The following KDM4A variants were observed in gnomAD, a reference collection of about 807,000 sequenced individuals.
KDM4A encodes lysine-specific demethylase 4A.
A neutral mutation model predicts 127.1 loss-of-function variants in KDM4A; 23 were observed. That is an observed-to-expected ratio of 0.18 (90% CI 0.13 to 0.26). KDM4A has a LOEUF of 0.26. Among genes scored for constraint, KDM4A ranks in the 10% least tolerant of loss-of-function variants. The pLI is 1.00. For missense variants in KDM4A, 890 were observed against 1,329.1 expected, an observed-to-expected ratio of 0.67 and a Z score of 5.14; for synonymous variants, 443 against 466.5, an observed-to-expected ratio of 0.95 and a Z score of 0.65.
intron 11 of KDM4A, among the ~76,000 whole-genome samples, chr1:43,683,357 G>T (rs1660899446): frequency 6.6e-6 from 1 of 152,198 alleles, no homozygotes; most frequent in African/African-American, 2.4e-5. Context: ...CACCTTGGTA[G>T]TCTCATAGCA....
At position 43,689,155 on chromosome 1, in the gene KDM4A, T is replaced by C. The variant is rs958370251; in HGVS notation, c.2037+60T>C. The C allele has an allele frequency of 4.6e-6, 7 of 1,535,406 alleles. No homozygotes were observed. In the African/African-American group the frequency reaches 9.6e-5, roughly 21 times the overall value. On this transcript the variant is annotated intron_variant, in intron 13 of 21. Coordinates refer to ENST00000372396, the MANE Select transcript of KDM4A (RefSeq NM_014663.3). ...CCAGCAATCATAGGGAAGCTAGATT[T>C]AATTGTGAGTATATAGCTTGTCACT...
rs544865046 is a variant in KDM4A, at chr1:43,656,887, G to A, written c.314+1121G>A. The stretch of plus-strand genomic sequence containing the variant: ...ATTACATACAGGCGCCTGCCACCAC[G>A]CCTGGCTAATTTTTGTATTTTTAGT... On this transcript the variant is annotated intron_variant, in intron 3 of 21. Transcript: ENST00000372396. Among the ~76,000 whole-genome samples the A allele has an allele frequency of 4.6e-5, 7 of 151,414 alleles. No individual in the cohort carries two copies. The East Asian group carries it at 5.9e-4, about 13-fold the overall frequency.
chr1:43,692,690 C>T (rs1319046031), intron 16 of KDM4A, among the ~76,000 whole-genome samples: 1 of 152,222 alleles, frequency 6.6e-6, no homozygotes, highest in Non-Finnish European at 1.5e-5. Flanking sequence ...GCAAGCACTT[C>T]TCCACATGGC....
intron 13 of KDM4A, 23 bp downstream of exon 13, chr1:43,689,118 GT>G: frequency 6.2e-7 from 1 of 1,609,220 alleles, no homozygotes. Flanking sequence ...CATGCACTCT[GT>G]TTACCCAGGA....
At position 43,704,267 on chromosome 1, in the gene KDM4A, C is replaced by G; in HGVS notation, c.3092C>G (p.Thr1031Arg). ...GACATGCGCTTCAATGAGATTTTCA[C>G]AGAGAAAGAGGTTAAGCAAGAAAAG... is the stretch of plus-strand genomic sequence containing the variant. The part of the protein sequence containing the change: ...ASDMRFNEIF[T>R]EKEVKQEKKR... Residue 1031 changes from threonine to arginine, a missense_variant, in exon 22 of 22, where the codon ACA (threonine) becomes AGA (arginine). Physicochemically the swap from Thr to Arg is moderately conservative, Grantham distance 71. Coordinates refer to ENST00000372396, the MANE Select transcript of KDM4A (RefSeq NM_014663.3). 1 of 1,614,046 alleles carries G rather than the reference C, an allele frequency of 6.2e-7. No homozygotes were observed. Among genetic ancestry groups the G allele is most frequent in the Middle Eastern group, 1.6e-4 (1 of 6,062 alleles).
In KDM4A at chr1:43,698,683, T is replaced by C. The variant is rs184609367; in HGVS notation, c.2841+670T>C. ...CAAATCAGGTATTGTCCCATGTTTA[T>C]ACCACATTAGCCACTCAGTTGCTAA... On this transcript the variant is annotated intron_variant, in intron 19 of 21. Transcript: ENST00000372396. Among the ~76,000 whole-genome samples, 323 of 152,362 alleles carry C rather than the reference T, an allele frequency of 2.1e-3. 1 individual carries two copies. Among genetic ancestry groups the C allele is most frequent in the Non-Finnish European group, 3.3e-3 (222 of 68,026 alleles).
intron 5 of KDM4A, among the ~76,000 whole-genome samples, chr1:43,664,860 G>C (rs1660465157): frequency 6.6e-6 from 1 of 152,168 alleles, no homozygotes; most frequent in African/African-American, 2.4e-5. Flanking sequence ...GGGACCTCCA[G>C]AGCCTTCTGT....
At chr1:43,665,659 C>A (rs767846483) in intron 5 of KDM4A, 37 bp from the exon 6 acceptor site, 2 of 1,608,250 alleles carry the variant, frequency 1.2e-6, no homozygotes, top group Non-Finnish European at 1.7e-6. Context: ...CTGTACCTGC[C>A]CTCCACCCAG....
chr1:43,700,418 C>T (rs1422742901), intron 19 of KDM4A, among the ~76,000 whole-genome samples: 1 of 152,176 alleles, frequency 6.6e-6, no homozygotes, highest in Non-Finnish European at 1.5e-5. Flanking sequence ...TGAGCCACCA[C>T]TCCCAGCCAA....
At chr1:43,658,021 A>C (rs984791259) in intron 3 of KDM4A, among the ~76,000 whole-genome samples, 1 of 148,804 alleles carries the variant, frequency 6.7e-6, no homozygotes. Flanking sequence ...CCCTATGTCT[A>C]TTCCTTTCGT....
In KDM4A at chr1:43,704,306, T is replaced by A; in HGVS notation, c.3131T>A (p.Val1044Asp). Residue 1044 changes from valine to aspartate, a missense_variant, in exon 22 of 22, where the codon GTT becomes GAT. Val to Asp is a radical substitution (Grantham distance 152). Around this residue, in one of 7 missense-constraint regions of KDM4A, gnomAD observed 246 missense variants for 418.4 expected, o/e 0.59. Coordinates refer to ENST00000372396, the MANE Select transcript of KDM4A (RefSeq NM_014663.3). Reference sequence around the variant, plus strand: ...AAGCAAGAAAAGAAACGGCAACGAGTTATCAACTCAAGATACCGGGAAGAT... The same window carrying A: ...AAGCAAGAAAAGAAACGGCAACGAGATATCAACTCAAGATACCGGGAAGAT... ...EVKQEKKRQRVINSRYREDYI... is the reference protein window; with the variant it reads ...EVKQEKKRQRDINSRYREDYI... The A allele has an allele frequency of 6.2e-7, 1 of 1,613,880 alleles. No homozygotes were observed. Among genetic ancestry groups the A allele is most frequent in the Non-Finnish European group, 8.5e-7 (1 of 1,179,992 alleles).
chr1:43,691,719 AATC>A, intron 15 of KDM4A, 147 bp downstream of exon 15: 1 of 710,736 alleles, frequency 1.4e-6, no homozygotes, highest in South Asian at 1.7e-5. Flanking sequence ...TGTGAGAGTA[AATC>A]CTATGACCGT....
intron 11 of KDM4A, among the ~76,000 whole-genome samples, chr1:43,673,963 A>T (rs1053479862): frequency 1.3e-5 from 2 of 152,178 alleles, no homozygotes; most frequent in Non-Finnish European, 2.9e-5. Flanking sequence ...CTTTTTTGAG[A>T]CAGGGTCTTG....
intron 4 of KDM4A, 84 bp downstream of exon 4, chr1:43,660,496 A>G: frequency 6.6e-7 from 1 of 1,511,758 alleles, no homozygotes; most frequent in Admixed American, 2.1e-5. Context: ...GTAGGCACCT[A>G]AAAGCTGTTT....
intron 11 of KDM4A, among the ~76,000 whole-genome samples, chr1:43,677,344 C>CAAA (rs35771419): frequency 1.5e-5 from 1 of 65,818 alleles, no homozygotes; most frequent in African/African-American, 4.5e-5. Flanking sequence ...GACTCCATCT[C>CAAA]AAAAAAAAAA....
chr1:43,699,150 G>A (rs754429625), intron 19 of KDM4A, among the ~76,000 whole-genome samples: 1 of 150,148 alleles, frequency 6.7e-6, no homozygotes, highest in Non-Finnish European at 1.5e-5. Flanking sequence ...AGGCTGGAGT[G>A]CAGTGGCTGT....
At chr1:43,673,844 T>C (rs1660682065) in intron 11 of KDM4A, among the ~76,000 whole-genome samples, 1 of 152,268 alleles carries the variant, frequency 6.6e-6, no homozygotes, top group African/African-American at 2.4e-5. Flanking sequence ...CAGTTCATGC[T>C]GTCCTCTTGC....
At chr1:43,664,614 C>G (rs1266675404) in intron 5 of KDM4A, among the ~76,000 whole-genome samples, 1 of 152,120 alleles carries the variant, frequency 6.6e-6, no homozygotes, top group Admixed American at 6.6e-5. Flanking sequence ...TTCCTTTCTT[C>G]TTTCAAGTGC....
chr1:43,674,469 A>G (rs1390378264), intron 11 of KDM4A, among the ~76,000 whole-genome samples: 1 of 151,976 alleles, frequency 6.6e-6, no homozygotes, highest in South Asian at 2.1e-4. Context: ...ACAAGTTAAA[A>G]TGATTGAAGA....
Sources: allele counts gnomAD v4.1 joint callset (sites outside exome capture counted in the v4.1 genomes callset), GRCh38; gene constraint gnomAD v4.1.1; regional missense constraint gnomAD v4.1.1; transcripts MANE v1.5; gene names NCBI Gene and HGNC (gene_info 2026-07-23, HGNC 2026-07-21).